RERE: variants seen among roughly 807,000 people sequenced by gnomAD.
The protein encoded by RERE is arginine-glutamic acid dipeptide repeats protein.
In RERE, 40 loss-of-function variants were observed where a neutral mutation model predicts 146.1. That is an observed-to-expected ratio of 0.27 (90% CI 0.21 to 0.36). The LOEUF (loss-of-function observed/expected upper bound fraction) is 0.36. Ranked by LOEUF, RERE falls within the 10% of genes least tolerant of loss-of-function variation. The pLI is 1.00. For missense variants in RERE, 1,933 were observed against 2,138.7 expected, an observed-to-expected ratio of 0.90 and a Z score of 1.90; for synonymous variants, 1,003 against 866.0, an observed-to-expected ratio of 1.16 and a Z score of -2.78.
intron 1 of RERE, among the ~76,000 whole-genome samples, chr1:8,677,437 A>G (rs1275935440): frequency 6.0e-5 from 9 of 151,076 alleles, no homozygotes; most frequent in Admixed American, 2.6e-4. Flanking sequence ...AAAAAAAAAA[A>G]AAAGAAAGAA....
chr1:8,494,244 T>TA (rs896495254), intron 10 of RERE, among the ~76,000 whole-genome samples: 4 of 152,204 alleles, frequency 2.6e-5, no homozygotes, highest in Non-Finnish European at 5.9e-5. Context: ...GTATACTTTA[T>TA]AAAAAACAAG....
chr1:8,440,073 TCAAA>T (rs990493556), intron 11 of RERE, among the ~76,000 whole-genome samples: 1 of 151,978 alleles, frequency 6.6e-6, no homozygotes, highest in Non-Finnish European at 1.5e-5. Context: ...AAACTCCCTC[TCAAA>T]CAAACAAAAA....
chr1:8,655,373 A>G (rs1378492951), intron 2 of RERE, among the ~76,000 whole-genome samples: 1 of 151,874 alleles, frequency 6.6e-6, no homozygotes, highest in African/African-American at 2.4e-5. Flanking sequence ...AGCCCAGCTA[A>G]TTTTTGTATT....
intron 1 of RERE, among the ~76,000 whole-genome samples, chr1:8,767,918 A>G (rs559103266): frequency 2.3e-4 from 35 of 152,264 alleles, no homozygotes; most frequent in Middle Eastern, 3.4e-3. Context: ...GGGAGCAGAG[A>G]TCACACCACT....
Position 8,465,990 on chromosome 1 carries a change from G to A in RERE, c.1138C>T (p.Leu380=), listed in dbSNP as rs929648715. 6.2e-6 allele frequency: 10 copies of A among 1,612,830 alleles called. No homozygotes were observed. The highest frequency in any genetic ancestry group is 3.3e-4 in the Middle Eastern group (2 of 6,058). The change falls in exon 11 of 23, where the codon CTG becomes TTG. Residue 380 remains leucine, a synonymous_variant. Transcript: ENST00000400908. Reference sequence around the variant, plus strand: ...ACAGGCTTCTTCACCAGGCGCTGCAGGGCTTTGCCAGCATCGTAACCGCTT... The same window carrying A: ...ACAGGCTTCTTCACCAGGCGCTGCAAGGCTTTGCCAGCATCGTAACCGCTT... ...HESGYDAGKA[L]QRLVKKPVPK...
chr1:8,524,426 G>C (rs1426339744), intron 7 of RERE, among the ~76,000 whole-genome samples: 1 of 152,138 alleles, frequency 6.6e-6, no homozygotes. Flanking sequence ...GGGCCTCCCT[G>C]GAAAGAGTTG....
intron 21 of RERE, 28 bp from the exon 22 acceptor site, chr1:8,355,627 C>T: frequency 1.3e-6 from 2 of 1,540,468 alleles, no homozygotes; most frequent in Non-Finnish European, 1.8e-6. Flanking sequence ...ACCTGCGCTA[C>T]AGAAATAGCC....
At chr1:8,618,570 T>C (rs912832368) in intron 3 of RERE, among the ~76,000 whole-genome samples, 7 of 152,202 alleles carry the variant, frequency 4.6e-5, no homozygotes, top group Non-Finnish European at 1.0e-4. Context: ...CGAATGCCCA[T>C]TCCGTGAATG....
At chr1:8,361,918 G>A in intron 16 of RERE, 42 bp from the exon 17 acceptor site, 2 of 1,375,824 alleles carry the variant, frequency 1.5e-6, no homozygotes, top group Non-Finnish European at 2.1e-6. Context: ...GGCCAAGGGA[G>A]ACCATCCCAT....
intron 6 of RERE, among the ~76,000 whole-genome samples, chr1:8,556,254 A>G (rs1239441873): frequency 1.3e-5 from 2 of 151,908 alleles, no homozygotes; most frequent in Non-Finnish European, 2.9e-5. Context: ...AAAGTAAATT[A>G]TCAAAAAAAA....
At chr1:8,498,745 A>ACACACACACC (rs1645084971) in intron 8 of RERE, among the ~76,000 whole-genome samples, 1 of 149,928 alleles carries the variant, frequency 6.7e-6, no homozygotes, top group African/African-American at 2.5e-5. Flanking sequence ...ACACACACAC[A>ACACACACACC]CACACACACA....
chr1:8,660,067 T>C (rs1027283221), intron 1 of RERE, among the ~76,000 whole-genome samples: 2 of 151,866 alleles, frequency 1.3e-5, no homozygotes, highest in Non-Finnish European at 2.9e-5. Context: ...TATTAAATTA[T>C]ATGAATAATT....
At position 8,563,922 on chromosome 1, in the gene RERE, T is replaced by C. The variant is rs550874607; in HGVS notation, c.523-6399A>G. Among the ~76,000 whole-genome samples the C allele has an allele frequency of 9.2e-5, 14 of 152,334 alleles. No homozygotes were observed. The South Asian group carries it at 2.1e-3, about 23-fold the overall frequency. On this transcript the variant is annotated intron_variant, in intron 4 of 22. Coordinates refer to ENST00000400908, the MANE Select transcript of RERE (RefSeq NM_001042681.2). ...ACTGTATAATTCAGAAATGTATACA[T>C]AAAACTTTTAATTGGTAGTCAGACA...
At chr1:8,502,515 C>G (rs1487564671) in intron 8 of RERE, among the ~76,000 whole-genome samples, 2 of 125,424 alleles carry the variant, frequency 1.6e-5, no homozygotes, top group Non-Finnish European at 3.3e-5. Flanking sequence ...AGGTCAGGGG[C>G]GCTTCTGCCC....
At chr1:8,604,581 G>A (rs1363637541) in intron 4 of RERE, among the ~76,000 whole-genome samples, 1 of 50,318 alleles carries the variant, frequency 2.0e-5, no homozygotes. Context: ...AAAAAAGAAG[G>A]AAGGAAGGAA....
At chr1:8,673,246 C>T (rs1638761657) in intron 1 of RERE, among the ~76,000 whole-genome samples, 1 of 152,164 alleles carries the variant, frequency 6.6e-6, no homozygotes, top group African/African-American at 2.4e-5. Flanking sequence ...CAGGTGCCCG[C>T]CACCACACCC....
chr1:8,605,804 T>C (rs1373825131), intron 4 of RERE, among the ~76,000 whole-genome samples: 6 of 142,490 alleles, frequency 4.2e-5, no homozygotes, highest in African/African-American at 1.3e-4. Flanking sequence ...ATTATCTCCA[T>C]TACTGGCAGC....
chr1:8,767,110 C>T (rs1042989166), intron 1 of RERE, among the ~76,000 whole-genome samples: 2 of 152,114 alleles, frequency 1.3e-5, no homozygotes, highest in Non-Finnish European at 2.9e-5. Context: ...AATAAATTGA[C>T]TATTCATTTT....
At chr1:8,482,021 A>C (rs1270549993) in intron 10 of RERE, among the ~76,000 whole-genome samples, 1 of 152,170 alleles carries the variant, frequency 6.6e-6, no homozygotes, top group East Asian at 1.9e-4. Context: ...ATATATAAAA[A>C]TGGCTAATAC....
Sources: allele counts gnomAD v4.1 joint callset (sites outside exome capture counted in the v4.1 genomes callset), GRCh38; gene constraint gnomAD v4.1.1; transcripts MANE v1.5; gene names NCBI Gene and HGNC (gene_info 2026-07-23, HGNC 2026-07-21).